The following DSE variants were observed in gnomAD, a reference collection of about 807,000 sequenced individuals.
DSE encodes the protein dermatan-sulfate epimerase.
Under a neutral mutation model 84.4 loss-of-function variants are expected in DSE, and 36 were observed. The ratio of observed to expected loss-of-function variants is 0.43; its 90% CI spans 0.33 to 0.56. DSE has a LOEUF of 0.56. Among genes scored for constraint, DSE ranks in the 20% least tolerant of loss-of-function variants. DSE has a pLI of 0.06. For synonymous variants in DSE, 410 were observed against 430.1 expected, an observed-to-expected ratio of 0.95 and a Z score of 0.58; for missense variants, 862 against 1,169.6, an observed-to-expected ratio of 0.74 and a Z score of 3.84.
At chr6:116,409,065 A>G (rs1275339473) in intron 2 of DSE, among the ~76,000 whole-genome samples, 1 of 152,134 alleles carries the variant, frequency 6.6e-6, no homozygotes, top group Non-Finnish European at 1.5e-5. Context: ...CAGTTTCCTC[A>G]TTTGTAATTT....
rs530616295 is a variant in DSE at position 116,441,012 on chromosome 6, C to G, written c.*3667C>G. 1.3e-5 allele frequency: 2 copies of G among 152,192 alleles called. No individual in the cohort carries two copies. The highest frequency in any genetic ancestry group is 2.4e-5 in the African/African-American group (1 of 41,526). The allele number at this position is 152,192 out of a possible 1,614,324, so 9.4% of individuals were successfully genotyped here. A position where few individuals can be genotyped will look rare whatever the true frequency, so the allele number is the denominator to read the frequency against. On this transcript the variant is annotated 3_prime_UTR_variant, in exon 6 of 6. Coordinates refer to ENST00000644252, the MANE Select transcript of DSE (RefSeq NM_013352.4). ...TTACTTTCATGTTGAGAAGTAGTTT[C>G]TTTCTGCAGTTTATTTAATTTACTG...
intron 2 of DSE, among the ~76,000 whole-genome samples, chr6:116,328,856 G>A (rs558343376): frequency 1.2e-4 from 18 of 152,090 alleles, no homozygotes; most frequent in African/African-American, 4.3e-4. Flanking sequence ...TACCAAGGAT[G>A]GGATAAGGAG....
intron 2 of DSE, among the ~76,000 whole-genome samples, chr6:116,306,721 C>T (rs776470114): frequency 1.3e-5 from 2 of 152,142 alleles, no homozygotes; most frequent in African/African-American, 4.8e-5. Context: ...GAAGCCATAA[C>T]TCTCAATGTG....
chr6:116,359,728 A>G (rs1778785119), intron 2 of DSE, among the ~76,000 whole-genome samples: 1 of 152,236 alleles, frequency 6.6e-6, no homozygotes, highest in Admixed American at 6.5e-5. Context: ...GGAAACAGAT[A>G]GGCTTTGCAA....
chr6:116,329,938 C>T (rs984148336), intron 2 of DSE, among the ~76,000 whole-genome samples: 1 of 152,198 alleles, frequency 6.6e-6, no homozygotes, highest in African/African-American at 2.4e-5. Context: ...ATTGTCCTGC[C>T]TCAGCCTCCC....
At chr6:116,261,636 T>C (rs1262959242) in intron 2 of DSE, among the ~76,000 whole-genome samples, 1 of 152,226 alleles carries the variant, frequency 6.6e-6, no homozygotes, top group African/African-American at 2.4e-5. Flanking sequence ...CAATACTGTG[T>C]TGAATAGGAG....
At chr6:116,403,447 T>G (rs1189483239) in intron 2 of DSE, among the ~76,000 whole-genome samples, 2 of 151,694 alleles carry the variant, frequency 1.3e-5, no homozygotes, top group Non-Finnish European at 2.9e-5. Flanking sequence ...AATTTTAATT[T>G]AATAAAAAAT....
At chr6:116,297,354 TA>T (rs986385129) in intron 2 of DSE, among the ~76,000 whole-genome samples, 7 of 152,144 alleles carry the variant, frequency 4.6e-5, no homozygotes, top group Non-Finnish European at 1.5e-5. Flanking sequence ...CCCCCATCAG[TA>T]ACCTGCTCAT....
intron 2 of DSE, among the ~76,000 whole-genome samples, chr6:116,351,916 T>G (rs190502646): frequency 6.6e-6 from 1 of 152,346 alleles, no homozygotes; most frequent in East Asian, 1.9e-4. Context: ...TGGAGAGTTG[T>G]CTTTTACATT....
At position 116,438,977 on chromosome 6, in the gene DSE, T is replaced by C. The variant is rs972602235; in HGVS notation, c.*1632T>C. On this transcript the variant is annotated 3_prime_UTR_variant, in exon 6 of 6. Transcript: ENST00000644252. ...TCTCATGGAAAGTCTCTAGGGAGGA[T>C]GTCATTACACACTGTTTAAAAGAAT... The C allele has an allele frequency of 6.6e-6, 1 of 152,170 alleles. No homozygotes were observed. Among genetic ancestry groups the C allele is most frequent in the African/African-American group, 2.4e-5 (1 of 41,422 alleles). The allele number at this position is 152,170 out of a possible 1,614,324, so 9.4% of individuals were successfully genotyped here.
chr6:116,373,787 C>T (rs970909905), intron 1 of DSE, among the ~76,000 whole-genome samples: 1 of 152,086 alleles, frequency 6.6e-6, no homozygotes, highest in South Asian at 2.1e-4. Context: ...GATGAAAGTG[C>T]ATTTTGCGAT....
At chr6:116,264,130 G>A (rs2114602705) in intron 2 of DSE, among the ~76,000 whole-genome samples, 1 of 152,242 alleles carries the variant, frequency 6.6e-6, no homozygotes, top group Non-Finnish European at 1.5e-5. Context: ...GTATTTGAAT[G>A]TTGGCCTCTC....
At chr6:116,279,291 C>G in intron 2 of DSE, 1 of 1,535,626 alleles carries the variant, frequency 6.5e-7, no homozygotes, top group Non-Finnish European at 8.6e-7. Flanking sequence ...CCTTCTCCGC[C>G]AGGCCTTCCT....
At chr6:116,322,837 G>A (rs1227082140) in intron 2 of DSE, among the ~76,000 whole-genome samples, 2 of 152,158 alleles carry the variant, frequency 1.3e-5, no homozygotes, top group African/African-American at 2.4e-5. Context: ...AGAAGTGGCA[G>A]GGTAGAAGAG....
rs149922607 is a variant in DSE, at chr6:116,350,832, G to A, written c.-53-48366G>A. Among the ~76,000 whole-genome samples the A allele has an allele frequency of 2.0e-3, 308 of 151,812 alleles. 1 individual carries two copies. The highest frequency in any genetic ancestry group is 4.6e-3 in the South Asian group (22 of 4,812). Reference sequence around the variant, plus strand: ...CAAGTAATAAAAAAAAATAGCTTTTGGGTCTTTTCCATGCCTTTAGACATG... The same window carrying A: ...CAAGTAATAAAAAAAAATAGCTTTTAGGTCTTTTCCATGCCTTTAGACATG... On this transcript the variant is annotated intron_variant, in intron 2 of 3. Coordinates refer to the DSE transcript ENST00000430252.
At chr6:116,429,003 G>T (rs927426546) in intron 3 of DSE, among the ~76,000 whole-genome samples, 4 of 152,130 alleles carry the variant, frequency 2.6e-5, no homozygotes, top group African/African-American at 9.7e-5. Context: ...GAGGGTTGTT[G>T]TAAGGAACAA....
rs1784502878 is a variant in DSE at position 116,443,955 on chromosome 6, A to G, written c.*6610A>G. 1 of 152,168 alleles carries G rather than the reference A, an allele frequency of 6.6e-6. No individual in the cohort carries two copies. Among genetic ancestry groups the G allele is most frequent in the Non-Finnish European group, 1.5e-5 (1 of 68,016 alleles). 9.4% of individuals were successfully genotyped at this position (152,168 alleles called of 1,614,324 possible). ...TTGTACTTTTCAGTCTCTGCTGTTT[A>G]CCATTTTTGTCCAGGATCAGAGACC... On this transcript the variant is annotated 3_prime_UTR_variant, in exon 6 of 6. Coordinates refer to ENST00000644252, the MANE Select transcript of DSE (RefSeq NM_013352.4).
intron 2 of DSE, chr6:116,355,590 C>A (rs1278360589): frequency 1.3e-5 from 2 of 152,078 alleles, no homozygotes; most frequent in African/African-American, 2.4e-5. Context: ...ATACATATAC[C>A]CGCTTCTTTC....
chr6:116,369,723 T>C (rs1779391589), upstream of DSE: 1 of 330,940 alleles, frequency 3.0e-6, no homozygotes, highest in Non-Finnish European at 6.0e-6. Context: ...ATAGTACCAC[T>C]TCCTCTTGAC....
Sources: gnomAD v4.1 joint callset for allele counts (sites outside exome capture counted in the v4.1 genomes callset) on GRCh38, gnomAD v4.1.1 for gene constraint, MANE v1.5 for transcripts, NCBI Gene and HGNC (gene_info 2026-07-23, HGNC 2026-07-21) for gene names.